MGAT4A: variants seen among roughly 807,000 people sequenced by gnomAD.
The protein encoded by MGAT4A is alpha-1,3-mannosyl-glycoprotein 4-beta-N-acetylglucosaminyltransferase A, also known as N-acetylglucosaminyltransferase IVa.
MGAT4A carries 33 observed loss-of-function variants against 74.1 expected under a neutral mutation model. The ratio of observed to expected loss-of-function variants is 0.45; its 90% CI spans 0.34 to 0.60. MGAT4A has a LOEUF of 0.60. Among genes scored for constraint, MGAT4A ranks in the 20% least tolerant of loss-of-function variants. The probability of loss-of-function intolerance (pLI) is 0.02; values close to 1 mark genes in which losing one functional copy is unlikely to be tolerated. For missense variants in MGAT4A, 479 were observed against 628.3 expected, an observed-to-expected ratio of 0.76 and a Z score of 2.54; for synonymous variants, 198 against 210.4, an observed-to-expected ratio of 0.94 and a Z score of 0.51.
At chr2:98,676,425 C>T (rs767324132) in intron 3 of MGAT4A, among the ~76,000 whole-genome samples, 7 of 152,126 alleles carry the variant, frequency 4.6e-5, no homozygotes, top group Non-Finnish European at 1.0e-4. Flanking sequence ...AAGAATTTAG[C>T]TTCTATGCAT....
chr2:98,722,695 T>C (rs958663477), intron 2 of MGAT4A, among the ~76,000 whole-genome samples: 4 of 152,018 alleles, frequency 2.6e-5, no homozygotes, highest in Admixed American at 6.6e-5. Context: ...TTGTATAGTA[T>C]GTAAATTATA....
chr2:98,702,087 A>T (rs1419676841), intron 2 of MGAT4A, among the ~76,000 whole-genome samples: 2 of 152,214 alleles, frequency 1.3e-5, no homozygotes, highest in African/African-American at 2.4e-5. Flanking sequence ...CAAGACATTC[A>T]ACAAACTGAG....
At position 98,621,377 on chromosome 2, in the gene MGAT4A, C is replaced by A. The variant is rs1185000685; in HGVS notation, c.*4189G>T. 5 of 1,542,362 alleles carry A rather than the reference C, an allele frequency of 3.2e-6. No individual in the cohort carries two copies. Among genetic ancestry groups the A allele is most frequent in the Non-Finnish European group, 8.8e-7 (1 of 1,142,130 alleles). On this transcript the variant is annotated 3_prime_UTR_variant, in exon 16 of 16. Transcript: ENST00000393487. ...CAGCTCCTTTGCTGTTAGCCAAGGCCTCTCTCAGCTCCTCAAAGCCATGTG... is the reference window on the plus strand; with the variant it reads ...CAGCTCCTTTGCTGTTAGCCAAGGCATCTCTCAGCTCCTCAAAGCCATGTG...
In MGAT4A at chr2:98,620,441, TTCTC is replaced by T. The variant is rs777970444; in HGVS notation, c.*5121_*5124del. ...CTTCTGACAGTCTTAACCTCTCATT[TTCTC>T]TCTTTTAGTTCTACTTGTCTCGTAT... is the stretch of plus-strand genomic sequence containing the variant. On this transcript the variant is annotated 3_prime_UTR_variant, in exon 16 of 16. Transcript: ENST00000393487. 1.3e-5 allele frequency: 2 copies of T among 152,254 alleles called. No individual in the cohort carries two copies. Among genetic ancestry groups the T allele is most frequent in the Non-Finnish European group, 2.9e-5 (2 of 68,040 alleles). 9.4% of individuals were successfully genotyped at this position (152,254 alleles called of 1,614,324 possible).
chr2:98,658,651 G>A (rs1042949789), intron 5 of MGAT4A, among the ~76,000 whole-genome samples: 1 of 152,074 alleles, frequency 6.6e-6, no homozygotes, highest in Non-Finnish European at 1.5e-5. Flanking sequence ...TGTAGCTACT[G>A]AACTGCATAC....
rs145551651 is a variant in MGAT4A, at chr2:98,696,449, A to G, written c.95-17978T>C. Reference sequence around the variant, plus strand: ...CTGTCTAAGTTGACGTCTCTTCCCAATACAAATTCACTTACACCTCCTGCC... The same window carrying G: ...CTGTCTAAGTTGACGTCTCTTCCCAGTACAAATTCACTTACACCTCCTGCC... On this transcript the variant is annotated intron_variant, in intron 2 of 15. Coordinates refer to ENST00000393487, the MANE Select transcript of MGAT4A (RefSeq NM_012214.3). Among the ~76,000 whole-genome samples the G allele has an allele frequency of 1.2e-3, 184 of 152,320 alleles. 1 individual carries two copies. The highest frequency in any genetic ancestry group is 1.2e-3 in the Non-Finnish European group (83 of 68,034).
At position 98,640,178 on chromosome 2, in the gene MGAT4A, G is replaced by A; in HGVS notation, c.1071C>T (p.Ser357=). The change falls in exon 11 of 16, where the codon TCC becomes TCT. Residue 357 remains serine (S), a synonymous_variant. Coordinates refer to ENST00000393487, the MANE Select transcript of MGAT4A (RefSeq NM_012214.3). ...AGTGCAGACCAACATGTTGGAAAAG[G>A]GAAGGTCTGAAGCGAATTCGCAGAT... ...KANLRIRFRP[S]LFQHVGLHSS... is the part of the protein sequence containing the mutation. 1 of 1,613,960 alleles carries A rather than the reference G, an allele frequency of 6.2e-7. No homozygotes were observed. The highest frequency in any genetic ancestry group is 8.5e-7 in the Non-Finnish European group (1 of 1,179,942).
rs1367638564 is a variant in MGAT4A, at chr2:98,621,212, G to A, written c.*4354C>T. The A allele has an allele frequency of 9.2e-6, 5 of 543,572 alleles. No individual in the cohort carries two copies. The highest frequency in any genetic ancestry group is 3.9e-5 in the South Asian group (1 of 25,390). The allele number at this position is 543,572 out of a possible 1,614,324, so 33.7% of individuals were successfully genotyped here. A position where few individuals can be genotyped will look rare whatever the true frequency, so the allele number is the denominator to read the frequency against. The stretch of plus-strand genomic sequence containing the variant: ...TCCAAGCAGGCTTAAGTGAGTTCTC[G>A]GCTTAGGGTCTCACAAGGCTGGATT... On this transcript the variant is annotated 3_prime_UTR_variant, in exon 16 of 16. Coordinates refer to ENST00000393487, the MANE Select transcript of MGAT4A (RefSeq NM_012214.3).
intron 2 of MGAT4A, among the ~76,000 whole-genome samples, chr2:98,707,353 C>A (rs1247042903): frequency 6.6e-6 from 1 of 152,238 alleles, no homozygotes; most frequent in East Asian, 1.9e-4. Context: ...CCTTAAGAAG[C>A]TCATTGTTTA....
intron 4 of MGAT4A, among the ~76,000 whole-genome samples, chr2:98,672,426 G>A (rs944511598): frequency 7.9e-5 from 12 of 152,188 alleles, no homozygotes; most frequent in Non-Finnish European, 1.6e-4. Flanking sequence ...TTTCATTGCA[G>A]CAAATACTTC....
At chr2:98,728,954 CT>C (rs1246124660) in intron 1 of MGAT4A, among the ~76,000 whole-genome samples, 1 of 151,952 alleles carries the variant, frequency 6.6e-6, no homozygotes, top group Non-Finnish European at 1.5e-5. Context: ...GAATTTTGTT[CT>C]AGTAAAAGAT....
intron 14 of MGAT4A, 105 bp downstream of exon 14, chr2:98,635,117 C>T: frequency 1.3e-6 from 1 of 794,140 alleles, no homozygotes; most frequent in Non-Finnish European, 2.0e-6. Context: ...CTGGAGGACA[C>T]TGGTAATTGT....
intron 12 of MGAT4A, among the ~76,000 whole-genome samples, chr2:98,638,010 C>T (rs984880428): frequency 2.6e-5 from 4 of 152,156 alleles, no homozygotes; most frequent in African/African-American, 7.2e-5. Flanking sequence ...AGATGCTCCC[C>T]TTGGGCAAGT....
At chr2:98,678,583 TATTC>T (rs1389930661) in intron 2 of MGAT4A, 112 bp from the exon 3 acceptor site, 2 of 589,880 alleles carry the variant, frequency 3.4e-6, no homozygotes, top group Admixed American at 3.8e-5. Context: ...CAGAAGAAAA[TATTC>T]ATTGATACAG....
intron 2 of MGAT4A, among the ~76,000 whole-genome samples, chr2:98,696,711 G>A (rs1181146567): frequency 6.6e-6 from 1 of 152,196 alleles, no homozygotes; most frequent in African/African-American, 2.4e-5. Flanking sequence ...CCACTGTTAT[G>A]TGCTGCTAAT....
At chr2:98,714,884 G>A (rs1171738158) in intron 2 of MGAT4A, among the ~76,000 whole-genome samples, 1 of 152,070 alleles carries the variant, frequency 6.6e-6, no homozygotes, top group Non-Finnish European at 1.5e-5. Flanking sequence ...AGGCTCAGAA[G>A]CCAACTTGAG....
Position 98,718,658 on chromosome 2 carries a change from T to A in MGAT4A, c.94+7581A>T, listed in dbSNP as rs188077577. On this transcript the variant is annotated intron_variant, in intron 2 of 15. Coordinates refer to ENST00000393487, the MANE Select transcript of MGAT4A (RefSeq NM_012214.3). ...ATCCTGGGAGAAGCAGGACTTCAAC[T>A]TTTCTCCTGCTGCCCCCAAATGCCT... 2.0e-5 allele frequency among the ~76,000 whole-genome samples: 3 copies of A among 152,266 alleles called. No individual in the cohort carries two copies. The East Asian group carries it at 5.8e-4, about 29-fold the overall frequency.
intron 2 of MGAT4A, among the ~76,000 whole-genome samples, chr2:98,696,370 G>A (rs904063584): frequency 6.6e-6 from 1 of 152,214 alleles, no homozygotes; most frequent in Non-Finnish European, 1.5e-5. Context: ...ATATTGTAGA[G>A]GTCATGTACG....
intron 2 of MGAT4A, among the ~76,000 whole-genome samples, chr2:98,697,206 C>A (rs575876722): frequency 6.6e-6 from 1 of 152,344 alleles, no homozygotes; most frequent in East Asian, 1.9e-4. Flanking sequence ...GCCATGGAAT[C>A]CTCCTCAGCA....
Sources: allele counts gnomAD v4.1 joint callset (sites outside exome capture counted in the v4.1 genomes callset), GRCh38; gene constraint gnomAD v4.1.1; transcripts MANE v1.5; gene names NCBI Gene and HGNC (gene_info 2026-07-23, HGNC 2026-07-21).